CELF2: variants seen among roughly 807,000 people sequenced by gnomAD.
CELF2 encodes the protein CUG triplet repeat RNA-binding protein 2.
CELF2 carries 8 observed loss-of-function variants against 62.6 expected under a neutral mutation model. That is an observed-to-expected ratio of 0.13 (90% CI 0.07 to 0.23). The LOEUF is 0.23. Ranked by LOEUF, CELF2 falls within the 10% of genes least tolerant of loss-of-function variation. The probability of loss-of-function intolerance (pLI) is 1.00; values close to 1 mark genes in which losing one functional copy is unlikely to be tolerated. For missense variants in CELF2, 333 were observed against 671.0 expected, an observed-to-expected ratio of 0.50 and a Z score of 5.56; for synonymous variants, 258 against 250.0, an observed-to-expected ratio of 1.03 and a Z score of -0.30.
rs1157294899 is a variant in CELF2, at chr10:11,110,429, G to A, written c.75-55057G>A. Among the ~76,000 whole-genome samples, 5 of 152,186 alleles carry A rather than the reference G, an allele frequency of 3.3e-5. No homozygotes were observed. Among genetic ancestry groups the A allele is most frequent in the South Asian group, 2.1e-4 (1 of 4,826 alleles). On this transcript the variant is annotated intron_variant, in intron 1 of 12. Transcript: ENST00000633077. The surrounding 1 kb of genome is among the most constrained non-coding windows in gnomAD (Gnocchi z 4.0). ...GTTTTAGGAAGCCATCTAACGCTTA[G>A]TACTTCTTTTCCCATCTCCTACTAC...
At chr10:10,534,478 G>C in the CELF2 span, among the ~76,000 whole-genome samples, 1 of 152,214 alleles carries the variant, frequency 6.6e-6, no homozygotes, top group Admixed American at 6.5e-5. Context: ...GGAACACACA[G>C]AGTTGGGTTA....
Position 11,318,515 on chromosome 10 carries a change from C to T in CELF2, c.1097-2674C>T. The T allele has an allele frequency of 2.9e-6, 1 of 348,810 alleles. No homozygotes were observed. Among genetic ancestry groups the T allele is most frequent in the Non-Finnish European group, 5.7e-6 (1 of 176,288 alleles). 21.6% of individuals were successfully genotyped at this position (348,810 alleles called of 1,614,324 possible). A position where few individuals can be genotyped will look rare whatever the true frequency, so the allele number is the denominator to read the frequency against. ...AAGTAAACACGACCCTTCCAGAAAG[C>T]AGATTAGCTCTGAGGTGTAGTCCAG... On this transcript the variant is annotated intron_variant, in intron 10 of 12. Transcript: ENST00000633077. This position sits in a 1 kb window ranked among gnomAD's most constrained non-coding sequence, Gnocchi z 5.4.
Position 11,270,411 on chromosome 10 carries a change from G to A in CELF2, c.619-255G>A, listed in dbSNP as rs941728373. On this transcript the variant is annotated intron_variant, in intron 6 of 12. Transcript: ENST00000633077. This position sits in a 1 kb window ranked among gnomAD's most constrained non-coding sequence, Gnocchi z 5.8. ...GGAAGACACAGGAAGAGAAGGAGAG[G>A]CAGTTACTAATCAGAGCAAGAAAGC... Among the ~76,000 whole-genome samples the A allele has an allele frequency of 3.3e-5, 5 of 152,112 alleles. No individual in the cohort carries two copies. The highest frequency in any genetic ancestry group is 7.4e-5 in the Non-Finnish European group (5 of 68,022).
chr10:10,658,850 A>G, the CELF2 span, among the ~76,000 whole-genome samples: 377 of 152,210 alleles, frequency 2.5e-3, no homozygotes, highest in African/African-American at 8.4e-3. Flanking sequence ...GACCGTGGAC[A>G]TCTTGCCTGG....
At chr10:10,899,390 G>C (rs1459341951) in intron 1 of CELF2, among the ~76,000 whole-genome samples, 2 of 152,090 alleles carry the variant, frequency 1.3e-5, no homozygotes, top group African/African-American at 4.8e-5. Context: ...GATATCATTA[G>C]AGATTGTACA....
chr10:10,751,673 TA>T, the CELF2 span, among the ~76,000 whole-genome samples: 1 of 152,212 alleles, frequency 6.6e-6, no homozygotes, highest in African/African-American at 2.4e-5. Context: ...TGTTCATTGC[TA>T]ACCCCTGGTC....
chr10:10,777,923 C>T, the CELF2 span, among the ~76,000 whole-genome samples: 638 of 152,290 alleles, frequency 4.2e-3, 5 homozygotes, highest in African/African-American at 0.014. Context: ...TCTGCCTCTA[C>T]AGCAGTTCTT....
rs911030115 is a variant in CELF2, at chr10:11,305,442, T to C, written c.977-8697T>C. On this transcript the variant is annotated intron_variant, in intron 9 of 12. Coordinates refer to ENST00000633077, the MANE Select transcript of CELF2 (RefSeq NM_001326342.2). The surrounding 1 kb of genome is among the most constrained non-coding windows in gnomAD (Gnocchi z 4.8). Reference sequence around the variant, plus strand: ...ACTCTGGGCCTCTGCTTCCTCATCTTTCAAGCGCAGGAAAGACTCCAGTCT... The same window carrying C: ...ACTCTGGGCCTCTGCTTCCTCATCTCTCAAGCGCAGGAAAGACTCCAGTCT... 6.6e-6 allele frequency among the ~76,000 whole-genome samples: 1 copy of C among 152,176 alleles called. No homozygotes were observed. The highest frequency in any genetic ancestry group is 2.4e-5 in the African/African-American group (1 of 41,430).
intron 10 of CELF2, chr10:11,320,977 A>C (rs2095410244): frequency 6.8e-7 from 1 of 1,473,042 alleles, no homozygotes. Context: ...TCACTGGCCT[A>C]GGGAGTGAGG....
chr10:10,524,563 C>T, the CELF2 span, among the ~76,000 whole-genome samples: 1 of 151,718 alleles, frequency 6.6e-6, no homozygotes, highest in Non-Finnish European at 1.5e-5. Context: ...TTTTAAGTTG[C>T]TTGAAAGGAG....
the CELF2 span, among the ~76,000 whole-genome samples, chr10:10,599,517 C>T: frequency 6.6e-6 from 1 of 152,024 alleles, no homozygotes; most frequent in South Asian, 2.1e-4. Context: ...ATAAAATGTG[C>T]CCATCAAGAC....
At chr10:10,704,797 A>G in the CELF2 span, among the ~76,000 whole-genome samples, 2 of 152,286 alleles carry the variant, frequency 1.3e-5, no homozygotes, top group Non-Finnish European at 2.9e-5. Context: ...AATTATGTTC[A>G]TAATATTCAA....
intron 5 of CELF2, among the ~76,000 whole-genome samples, chr10:11,259,720 G>A (rs1372936224): frequency 6.6e-6 from 1 of 152,092 alleles, no homozygotes. Context: ...CCTTCCTAGG[G>A]GCTCAAACCA....
the CELF2 span, among the ~76,000 whole-genome samples, chr10:10,483,743 G>C: frequency 6.9e-6 from 1 of 144,620 alleles, no homozygotes; most frequent in Non-Finnish European, 1.5e-5. Context: ...GGAGGACTCT[G>C]AAAATGCAGC....
At chr10:11,232,847 A>C (rs1320900289) in intron 3 of CELF2, among the ~76,000 whole-genome samples, 2 of 152,226 alleles carry the variant, frequency 1.3e-5, no homozygotes, top group African/African-American at 4.8e-5. Context: ...TGAGGCTGTC[A>C]GAGTCAATTG....
chr10:10,705,272 A>C, the CELF2 span, among the ~76,000 whole-genome samples: 1 of 152,038 alleles, frequency 6.6e-6, no homozygotes, highest in Non-Finnish European at 1.5e-5. Context: ...ACGTAGTCAC[A>C]AAATAAATTT....
chr10:10,755,122 C>T, the CELF2 span, among the ~76,000 whole-genome samples: 3 of 152,020 alleles, frequency 2.0e-5, no homozygotes, highest in Non-Finnish European at 4.4e-5. Flanking sequence ...TAAGAGGTGG[C>T]AAAATGCAGG....
chr10:10,632,704 T>C, the CELF2 span, among the ~76,000 whole-genome samples: 1 of 152,214 alleles, frequency 6.6e-6, no homozygotes, highest in Non-Finnish European at 1.5e-5. Flanking sequence ...ATTTAAGTTA[T>C]TTTAGTAGAT....
the CELF2 span, among the ~76,000 whole-genome samples, chr10:10,641,801 T>C: frequency 6.6e-6 from 1 of 152,206 alleles, no homozygotes; most frequent in Non-Finnish European, 1.5e-5. Flanking sequence ...TGCTCTTGTG[T>C]TTCTCATCTC....
Sources: gnomAD v4.1 joint callset for allele counts (sites outside exome capture counted in the v4.1 genomes callset) on GRCh38, gnomAD v4.1.1 for gene constraint, Gnocchi (gnomAD v3.1) non-coding constraint, MANE v1.5 for transcripts, NCBI Gene and HGNC (gene_info 2026-07-23, HGNC 2026-07-21) for gene names.